ADAMTS18: variants seen among roughly 807,000 people sequenced by gnomAD.
The protein encoded by ADAMTS18 is ADAM metallopeptidase with thrombospondin type 1 motif 18.
A neutral mutation model predicts 165.9 loss-of-function variants in ADAMTS18; 157 were observed. That is an observed-to-expected ratio of 0.95 (90% CI 0.83 to 1.08). The LOEUF is 1.08. ADAMTS18 is among the 50% of genes least tolerant of loss of function. The pLI is 0.00. For missense variants in ADAMTS18, 2,040 were observed against 1,534.0 expected (o/e 1.33, Z -5.51); for synonymous variants, 782 against 578.2 (o/e 1.35, Z -5.06).
At chr16:77,372,687 A>C (rs1597187989) in intron 3 of ADAMTS18, among the ~76,000 whole-genome samples, 1 of 152,188 alleles carries the variant, frequency 6.6e-6, no homozygotes, top group Non-Finnish European at 1.5e-5. Flanking sequence ...GTAAAATCTC[A>C]GATTTCACAA....
intron 2 of ADAMTS18, among the ~76,000 whole-genome samples, chr16:77,434,141 C>T (rs1030188760): frequency 7.8e-6 from 1 of 128,950 alleles, no homozygotes; most frequent in East Asian, 2.0e-4. Flanking sequence ...TTTCTCACTG[C>T]AGTTAGGATT....
Position 77,323,927 on chromosome 16 carries a change from T to A in ADAMTS18, c.2033-1461A>T, listed in dbSNP as rs2056049138. On this transcript the variant is annotated intron_variant, in intron 13 of 22. Coordinates refer to ENST00000282849, the MANE Select transcript of ADAMTS18 (RefSeq NM_199355.4). The stretch of plus-strand genomic sequence containing the variant: ...AGTAAACATCTGTTGCATGCATGAA[T>A]GAAATTGCATGCTCCCTACTCAGTG... Among the ~76,000 whole-genome samples the A allele has an allele frequency of 1.3e-5, 2 of 152,212 alleles. 1 individual carries two copies. The highest frequency in any genetic ancestry group is 4.1e-4 in the South Asian group (2 of 4,836).
chr16:77,389,522 C>T (rs1448086384), intron 3 of ADAMTS18, among the ~76,000 whole-genome samples: 1 of 152,102 alleles, frequency 6.6e-6, no homozygotes, highest in East Asian at 1.9e-4. Flanking sequence ...TGAAGTAGGA[C>T]CTGCGAATAA....
intron 3 of ADAMTS18, among the ~76,000 whole-genome samples, chr16:77,411,235 A>G (rs954970077): frequency 1.3e-5 from 2 of 152,152 alleles, no homozygotes; most frequent in African/African-American, 4.8e-5. Flanking sequence ...TCATAGCCAC[A>G]TGGCTGGCTC....
chr16:77,424,196 C>T (rs1046710479), intron 3 of ADAMTS18, among the ~76,000 whole-genome samples: 2 of 151,844 alleles, frequency 1.3e-5, no homozygotes, highest in Admixed American at 6.6e-5. Context: ...AGGCCGGGCG[C>T]GGTGGCTCAC....
In ADAMTS18 at chr16:77,326,052, T is replaced by C; in HGVS notation, c.1860-14A>G. On this transcript the variant is annotated splice_polypyrimidine_tract_variant and intron_variant, in intron 12 of 22. Transcript: ENST00000282849. ...CCATACTGAGGCCTGAAAATGAAAT[T>C]AATGAACTTTAATGTTAGTAATCAA... 2 of 1,610,340 alleles carry C rather than the reference T, an allele frequency of 1.2e-6. No homozygotes were observed. Among genetic ancestry groups the C allele is most frequent in the Non-Finnish European group, 1.7e-6 (2 of 1,176,778 alleles).
intron 3 of ADAMTS18, among the ~76,000 whole-genome samples, chr16:77,421,992 G>C (rs2057608937): frequency 6.6e-6 from 1 of 152,076 alleles, no homozygotes; most frequent in African/African-American, 2.4e-5. Flanking sequence ...CACCAAACAA[G>C]ATGTTTGGCT....
intron 12 of ADAMTS18, among the ~76,000 whole-genome samples, chr16:77,327,968 C>G (rs2056124112): frequency 6.6e-6 from 1 of 152,154 alleles, no homozygotes; most frequent in Admixed American, 6.6e-5. Context: ...TGTGTTTCTT[C>G]TGATTGATTC....
At chr16:77,318,497 T>A (rs1038491560) in intron 16 of ADAMTS18, among the ~76,000 whole-genome samples, 1 of 152,180 alleles carries the variant, frequency 6.6e-6, no homozygotes, top group Non-Finnish European at 1.5e-5. Flanking sequence ...TAAGTAACAA[T>A]ACCTACCTTC....
At chr16:77,343,304 C>T (rs1365745389) in intron 10 of ADAMTS18, among the ~76,000 whole-genome samples, 2 of 152,196 alleles carry the variant, frequency 1.3e-5, no homozygotes, top group Non-Finnish European at 2.9e-5. Context: ...GAACTCCCAA[C>T]CTCAGGTGAT....
Position 77,283,879 on chromosome 16 carries a change from G to A in ADAMTS18, c.*77C>T, listed in dbSNP as rs539731458. ...AGATGGTTCTCGGTGCTCAGCTCCT[G>A]GTCTCAAAGGCAGCTGGTCTCTCTA... is the stretch of plus-strand genomic sequence containing the variant. On this transcript the variant is annotated 3_prime_UTR_variant, in exon 23 of 23. Transcript: ENST00000282849. 3.6e-6 allele frequency: 4 copies of A among 1,124,954 alleles called. No homozygotes were observed. Among genetic ancestry groups the A allele is most frequent in the Non-Finnish European group, 1.4e-6 (1 of 738,136 alleles). The allele number at this position is 1,124,954 out of a possible 1,614,324, so 69.7% of individuals were successfully genotyped here.
At chr16:77,310,929 C>T (rs571509260) in intron 16 of ADAMTS18, among the ~76,000 whole-genome samples, 25 of 152,278 alleles carry the variant, frequency 1.6e-4, no homozygotes, top group African/African-American at 5.8e-4. Flanking sequence ...TGTGCATCTC[C>T]AATATCTAAC....
rs1021654708 is a variant in ADAMTS18 at position 77,283,006 on chromosome 16, C to T, written c.*950G>A. On this transcript the variant is annotated 3_prime_UTR_variant, in exon 23 of 23. Coordinates refer to ENST00000282849, the MANE Select transcript of ADAMTS18 (RefSeq NM_199355.4). Reference sequence around the variant, plus strand: ...CACAAGTGGCCTTTAATTTTCCAAGCAGCTCTGGTAGTATGTACAGAGCAT... The same window carrying T: ...CACAAGTGGCCTTTAATTTTCCAAGTAGCTCTGGTAGTATGTACAGAGCAT... 1.3e-5 allele frequency: 2 copies of T among 149,476 alleles called. No individual in the cohort carries two copies. The highest frequency in any genetic ancestry group is 4.9e-5 in the African/African-American group (2 of 40,420). The allele number at this position is 149,476 out of a possible 1,614,324, so 9.3% of individuals were successfully genotyped here.
chr16:77,355,322 T>C (rs890385789), intron 9 of ADAMTS18, among the ~76,000 whole-genome samples: 1 of 152,106 alleles, frequency 6.6e-6, no homozygotes, highest in Non-Finnish European at 1.5e-5. Flanking sequence ...AAGGTTTCTG[T>C]GTTATTAAAA....
chr16:77,358,254 CTAAAGA>C (rs1039788425), intron 8 of ADAMTS18, among the ~76,000 whole-genome samples: 2 of 152,022 alleles, frequency 1.3e-5, no homozygotes, highest in African/African-American at 4.8e-5. Flanking sequence ...TTTAAATTTC[CTAAAGA>C]TAATAAATGT....
chr16:77,397,699 G>C (rs892292139), intron 3 of ADAMTS18, among the ~76,000 whole-genome samples: 1 of 152,218 alleles, frequency 6.6e-6, no homozygotes, highest in African/African-American at 2.4e-5. Flanking sequence ...GCTTTGTTTT[G>C]CCCATGCAGA....
At chr16:77,356,108 C>A in intron 8 of ADAMTS18, 31 bp from the exon 9 acceptor site, 1 of 1,613,878 alleles carries the variant, frequency 6.2e-7, no homozygotes, top group Non-Finnish European at 8.5e-7. Flanking sequence ...CAAAATCCTG[C>A]TTTGTGAACC....
At chr16:77,325,294 T>C (rs768286321) in intron 13 of ADAMTS18, among the ~76,000 whole-genome samples, 2 of 152,220 alleles carry the variant, frequency 1.3e-5, no homozygotes, top group Non-Finnish European at 2.9e-5. Flanking sequence ...CTGTAACTAA[T>C]GTTTTATTAT....
chr16:77,391,231 G>T (rs151222340), intron 3 of ADAMTS18, among the ~76,000 whole-genome samples: 48 of 152,234 alleles, frequency 3.2e-4, no homozygotes, highest in African/African-American at 1.2e-3. Flanking sequence ...GGCCAGGCAT[G>T]ATGGCTCATG....
Sources: allele counts gnomAD v4.1 joint callset (sites outside exome capture counted in the v4.1 genomes callset), GRCh38; gene constraint gnomAD v4.1.1; transcripts MANE v1.5; gene names NCBI Gene and HGNC (gene_info 2026-07-23, HGNC 2026-07-21).